The following TOX variants were observed in gnomAD, a reference collection of about 807,000 sequenced individuals.
TOX encodes thymocyte selection associated high mobility group box, also known as thymocyte selection-associated high mobility group box protein TOX.
A neutral mutation model predicts 53.7 loss-of-function variants in TOX; 11 were observed. The observed-to-expected ratio is 0.20, with a 90% CI of 0.13 to 0.34. TOX has a LOEUF of 0.34. Among genes scored for constraint, TOX ranks in the 10% least tolerant of loss-of-function variants. The pLI, the probability that TOX is intolerant of heterozygous loss-of-function variation, is 1.00. For synonymous variants in TOX, 225 were observed against 245.3 expected, an observed-to-expected ratio of 0.92 and a Z score of 0.77; for missense variants, 570 against 664.6, an observed-to-expected ratio of 0.86 and a Z score of 1.56.
intron 3 of TOX, among the ~76,000 whole-genome samples, chr8:58,872,704 G>A (rs753099196): frequency 6.6e-6 from 1 of 152,094 alleles, no homozygotes; most frequent in Non-Finnish European, 1.5e-5. Context: ...TCTCAAAATT[G>A]CTGAGGTCAT....
intron 3 of TOX, among the ~76,000 whole-genome samples, chr8:58,891,092 G>T (rs1811552523): frequency 6.6e-6 from 1 of 151,988 alleles, no homozygotes; most frequent in Admixed American, 6.6e-5. Flanking sequence ...GAAGGAAAAG[G>T]GCAGGCCACC....
At chr8:58,826,157 C>T (rs566420397) in intron 6 of TOX, among the ~76,000 whole-genome samples, 1 of 152,184 alleles carries the variant, frequency 6.6e-6, no homozygotes, top group East Asian at 1.9e-4. Flanking sequence ...AGTCCAGAGC[C>T]CCAGACCACA....
intron 1 of TOX, among the ~76,000 whole-genome samples, chr8:58,977,797 T>C (rs568299885): frequency 1.4e-4 from 21 of 152,306 alleles, no homozygotes; most frequent in Middle Eastern, 3.4e-3. Flanking sequence ...ATTAAGTTCA[T>C]TGTCTTATAT....
At chr8:59,019,419 A>T (rs1351422027) in intron 1 of TOX, among the ~76,000 whole-genome samples, 2 of 152,208 alleles carry the variant, frequency 1.3e-5, no homozygotes, top group Non-Finnish European at 2.9e-5. Context: ...TTAATGTCCC[A>T]CTAGGCACAG....
intron 3 of TOX, among the ~76,000 whole-genome samples, chr8:58,897,703 C>CTTT (rs10649827): frequency 8.8e-5 from 13 of 148,450 alleles, no homozygotes; most frequent in African/African-American, 7.4e-5. Flanking sequence ...AAATGGAAGT[C>CTTT]TTTTTTTTTT....
At chr8:58,827,660 G>C (rs1216308108) in intron 5 of TOX, among the ~76,000 whole-genome samples, 1 of 152,158 alleles carries the variant, frequency 6.6e-6, no homozygotes, top group Admixed American at 6.6e-5. Context: ...ATTTCTGAGA[G>C]GGAATCATCT....
chr8:58,963,306 G>GATATATATAT lies in TOX; in HGVS notation c.103-3308_103-3299dup, dbSNP rs74274681. Among the ~76,000 whole-genome samples, 5 of 131,584 alleles carry GATATATATAT rather than the reference G, an allele frequency of 3.8e-5. No homozygotes were observed. The East Asian group carries it at 6.2e-4, about 16-fold the overall frequency. 86.3% of individuals were successfully genotyped at this position (131,584 alleles called of 152,430 possible). A position where few individuals can be genotyped will look rare whatever the true frequency, so the allele number is the denominator to read the frequency against. ...TTGATAGATAGAAGATAGATAGATA[G>GATATATATAT]ATATATATATAGATAGATAGATAGA... On this transcript the variant is annotated intron_variant, in intron 1 of 8. Coordinates refer to ENST00000361421, the MANE Select transcript of TOX (RefSeq NM_014729.3).
chr8:59,048,313 T>C (rs184342732), intron 1 of TOX, among the ~76,000 whole-genome samples: 169 of 152,318 alleles, frequency 1.1e-3, no homozygotes, highest in Middle Eastern at 3.4e-3. Context: ...AACTATTAGA[T>C]TGTGTTCAGC....
At chr8:58,907,494 C>T (rs1226765116) in intron 3 of TOX, among the ~76,000 whole-genome samples, 3 of 152,040 alleles carry the variant, frequency 2.0e-5, no homozygotes, top group South Asian at 4.2e-4. Flanking sequence ...ACTGAGGAGG[C>T]TAAGTCAGGA....
intron 1 of TOX, among the ~76,000 whole-genome samples, chr8:59,031,005 G>A (rs1231921167): frequency 6.6e-6 from 1 of 152,110 alleles, no homozygotes; most frequent in Admixed American, 6.5e-5. Context: ...TATCAACTAA[G>A]ATGTATTTGC....
intron 1 of TOX, among the ~76,000 whole-genome samples, chr8:59,091,507 A>G (rs1804605871): frequency 6.6e-6 from 1 of 151,898 alleles, no homozygotes; most frequent in Admixed American, 6.6e-5. Context: ...TTCTTGGACA[A>G]TATAGACAGA....
intron 1 of TOX, among the ~76,000 whole-genome samples, chr8:59,022,035 C>A (rs1474022433): frequency 6.6e-6 from 1 of 152,080 alleles, no homozygotes; most frequent in Non-Finnish European, 1.5e-5. Context: ...ATTACAGAAA[C>A]CATTTGTCAC....
chr8:59,057,834 G>A (rs1803911432), intron 1 of TOX, among the ~76,000 whole-genome samples: 2 of 151,890 alleles, frequency 1.3e-5, no homozygotes, highest in South Asian at 4.2e-4. Flanking sequence ...AAAACTTCTG[G>A]AAGTTGTTTT....
intron 3 of TOX, among the ~76,000 whole-genome samples, chr8:58,901,345 T>C (rs1811732219): frequency 6.6e-6 from 1 of 152,210 alleles, no homozygotes; most frequent in East Asian, 1.9e-4. Flanking sequence ...ATTTCATTCT[T>C]TGGTGCTGTT....
At chr8:58,875,121 G>A (rs954399936) in intron 3 of TOX, among the ~76,000 whole-genome samples, 9 of 152,140 alleles carry the variant, frequency 5.9e-5, no homozygotes, top group African/African-American at 2.2e-4. Flanking sequence ...TCTTTCCTTG[G>A]TATGTTTGGA....
At chr8:59,095,060 C>T (rs1033121133) in intron 1 of TOX, among the ~76,000 whole-genome samples, 1 of 152,218 alleles carries the variant, frequency 6.6e-6, no homozygotes, top group African/African-American at 2.4e-5. Flanking sequence ...CTTATATCAT[C>T]ATTTACAGAT....
chr8:59,092,328 TTATATATTATATATACATTA>T (rs1804636027), intron 1 of TOX, among the ~76,000 whole-genome samples: 1 of 113,396 alleles, frequency 8.8e-6, no homozygotes, highest in African/African-American at 4.9e-5. Flanking sequence ...CATATATATA[TTATATATTATATATACATTA>T]TATATATTAT....
chr8:58,952,485 GA>G (rs1453016573), intron 2 of TOX, among the ~76,000 whole-genome samples: 1 of 152,154 alleles, frequency 6.6e-6, no homozygotes, highest in African/African-American at 2.4e-5. Flanking sequence ...TGCTAAAGAA[GA>G]AAATAGTTCA....
rs576636149 is a variant in TOX at position 59,112,252 on chromosome 8, C to T, written c.102+6634G>A. 2.0e-5 allele frequency among the ~76,000 whole-genome samples: 3 copies of T among 152,242 alleles called. No homozygotes were observed. The East Asian group carries it at 5.8e-4, about 29-fold the overall frequency. ...TGCTGTAGGGAGAAACATGTTATAA[C>T]CAGGAAAAGCTCATTCAGGTTAATG... On this transcript the variant is annotated intron_variant, in intron 1 of 8. Transcript: ENST00000361421.
Sources: allele counts gnomAD v4.1 joint callset (sites outside exome capture counted in the v4.1 genomes callset), GRCh38; gene constraint gnomAD v4.1.1; transcripts MANE v1.5; gene names NCBI Gene and HGNC (gene_info 2026-07-23, HGNC 2026-07-21).